The following CNTNAP2 variants were observed in gnomAD, a reference collection of about 807,000 sequenced individuals.
The protein encoded by CNTNAP2 is contactin associated protein 2, also known as contactin-associated protein-like 2.
A neutral mutation model predicts 155.2 loss-of-function variants in CNTNAP2; 98 were observed. The observed-to-expected ratio is 0.63, with a 90% CI of 0.54 to 0.75. The LOEUF is 0.75. Among genes scored for constraint, CNTNAP2 ranks in the 30% least tolerant of loss-of-function variants. The pLI is 0.00. For synonymous variants in CNTNAP2, 651 were observed against 631.2 expected (o/e 1.03, Z -0.47); for missense variants, 1,727 against 1,688.1 (o/e 1.02, Z -0.40).
chr7:147,418,770 T>C (rs576712490), intron 10 of CNTNAP2, among the ~76,000 whole-genome samples: 4 of 152,352 alleles, frequency 2.6e-5, no homozygotes, highest in African/African-American at 4.8e-5. Flanking sequence ...AGTCACTTTC[T>C]CTATAAAAGA....
chr7:146,617,783 A>G (rs1359376902), intron 1 of CNTNAP2, among the ~76,000 whole-genome samples: 1 of 152,212 alleles, frequency 6.6e-6, no homozygotes, highest in African/African-American at 2.4e-5. Context: ...AATATCTCAT[A>G]AAAGTCAAGT....
At chr7:147,441,373 G>A (rs1471945902) in intron 10 of CNTNAP2, among the ~76,000 whole-genome samples, 1 of 151,946 alleles carries the variant, frequency 6.6e-6, no homozygotes, top group East Asian at 1.9e-4. Flanking sequence ...GTGTTATCTT[G>A]AATTTCTTTG....
intron 1 of CNTNAP2, among the ~76,000 whole-genome samples, chr7:146,225,618 C>T (rs1351863409): frequency 6.6e-6 from 1 of 152,172 alleles, no homozygotes; most frequent in Non-Finnish European, 1.5e-5. Context: ...TAGGCATTAG[C>T]AGTGCACAGA....
intron 1 of CNTNAP2, among the ~76,000 whole-genome samples, chr7:146,592,850 G>T: frequency 6.6e-6 from 1 of 152,088 alleles, no homozygotes; most frequent in East Asian, 1.9e-4. Context: ...CAGTCCAGTG[G>T]TGGCAGGCTG....
rs544673872 is a variant in CNTNAP2 at position 147,300,400 on chromosome 7, C to A, written c.1498+110C>A. ...TTGACTCAACTGACTCAGTAGATCT[C>A]ATGACAAAACAAACTGTAATTCCAC... On this transcript the variant is annotated intron_variant, in intron 9 of 23. Coordinates refer to ENST00000361727, the MANE Select transcript of CNTNAP2 (RefSeq NM_014141.6). 5.7e-6 allele frequency: 6 copies of A among 1,055,872 alleles called. No individual in the cohort carries two copies. The African/African-American group carries it at 2.1e-4, about 37-fold the overall frequency. 65.4% of individuals were successfully genotyped at this position (1,055,872 alleles called of 1,614,324 possible). A position where few individuals can be genotyped will look rare whatever the true frequency, so the allele number is the denominator to read the frequency against.
At chr7:146,384,605 T>A (rs1162432869) in intron 1 of CNTNAP2, among the ~76,000 whole-genome samples, 2 of 152,200 alleles carry the variant, frequency 1.3e-5, no homozygotes, top group Non-Finnish European at 2.9e-5. Flanking sequence ...TCTTTTTGAA[T>A]CAAGTATCAT....
chr7:146,823,587 TA>T (rs1347262358), intron 2 of CNTNAP2, among the ~76,000 whole-genome samples: 1 of 149,032 alleles, frequency 6.7e-6, no homozygotes, highest in Non-Finnish European at 1.5e-5. Flanking sequence ...CATTCTTCAG[TA>T]TATTTACATG....
intron 16 of CNTNAP2, among the ~76,000 whole-genome samples, chr7:148,142,165 G>A (rs998597854): frequency 6.7e-6 from 1 of 150,314 alleles, no homozygotes; most frequent in African/African-American, 2.5e-5. Flanking sequence ...AGAGGGAGGG[G>A]AGAATTGTCA....
chr7:146,720,192 C>CTCTGGTTTGGTGCAATT (rs1257689125), intron 1 of CNTNAP2, among the ~76,000 whole-genome samples: 18 of 152,124 alleles, frequency 1.2e-4, no homozygotes, highest in African/African-American at 4.1e-4. Flanking sequence ...AGGACTATGC[C>CTCTGGTTTGGTGCAATT]TCTGGTTTGG....
At chr7:146,293,257 G>A (rs1800461061) in intron 1 of CNTNAP2, among the ~76,000 whole-genome samples, 1 of 152,090 alleles carries the variant, frequency 6.6e-6, no homozygotes, top group Non-Finnish European at 1.5e-5. Flanking sequence ...GGAATTCCCA[G>A]GAGAAAATTT....
rs1300483418 is a variant in CNTNAP2 at position 148,379,000 on chromosome 7, T to C, written c.3476-4649T>C. On this transcript the variant is annotated intron_variant, in intron 21 of 23. Coordinates refer to ENST00000361727, the MANE Select transcript of CNTNAP2 (RefSeq NM_014141.6). The stretch of plus-strand genomic sequence containing the variant: ...ATGGTAGGCAGTGCTTTGGGGCCAG[T>C]TGTACTACAGTCTCTGCAGAGCAAC... Among the ~76,000 whole-genome samples the C allele has an allele frequency of 4.8e-4, 32 of 67,126 alleles. 11 individuals carry two copies. The highest frequency in any genetic ancestry group is 1.1e-3 in the Admixed American group (5 of 4,724). 44.0% of individuals were successfully genotyped at this position (67,126 alleles called of 152,430 possible). A position where few individuals can be genotyped will look rare whatever the true frequency, so the allele number is the denominator to read the frequency against.
chr7:147,745,798 A>T (rs1324517790), intron 13 of CNTNAP2, among the ~76,000 whole-genome samples: 1 of 152,256 alleles, frequency 6.6e-6, no homozygotes, highest in Non-Finnish European at 1.5e-5. Context: ...GAATCAATTC[A>T]GGAGTCTTCA....
intron 10 of CNTNAP2, among the ~76,000 whole-genome samples, chr7:147,408,602 T>C (rs986179979): frequency 1.1e-4 from 17 of 151,792 alleles, no homozygotes; most frequent in Non-Finnish European, 2.5e-4. Flanking sequence ...CTAAAAAATA[T>C]AAAAAATTAG....
intron 21 of CNTNAP2, 117 bp downstream of exon 21, chr7:148,267,243 T>C: frequency 1.1e-6 from 1 of 879,868 alleles, no homozygotes; most frequent in South Asian, 1.4e-5. Context: ...ACGAATATCT[T>C]CTCTGTACAG....
chr7:147,148,573 C>A (rs1317045471), intron 8 of CNTNAP2, among the ~76,000 whole-genome samples: 2 of 152,064 alleles, frequency 1.3e-5, no homozygotes, highest in African/African-American at 2.4e-5. Context: ...AGCTGCGGAC[C>A]CTCACAGTGA....
intron 12 of CNTNAP2, among the ~76,000 whole-genome samples, chr7:147,634,049 T>G (rs1795135726): frequency 6.6e-6 from 1 of 152,106 alleles, no homozygotes; most frequent in Non-Finnish European, 1.5e-5. Context: ...AGTATGGAGA[T>G]TCCCTAAAGA....
chr7:146,164,169 G>A (rs192352377), intron 1 of CNTNAP2, among the ~76,000 whole-genome samples: 1 of 152,236 alleles, frequency 6.6e-6, no homozygotes, highest in African/African-American at 2.4e-5. Flanking sequence ...TGTATACCTT[G>A]AATAACTTTC....
intron 13 of CNTNAP2, among the ~76,000 whole-genome samples, chr7:147,762,468 G>A (rs184302940): frequency 2.6e-5 from 4 of 152,048 alleles, no homozygotes; most frequent in East Asian, 1.9e-4. Context: ...GAGCTGCTGC[G>A]GAGGCAATTA....
chr7:147,902,533 T>TTGTCATCTTTTATCCCTCACC (rs1016336234), intron 13 of CNTNAP2, among the ~76,000 whole-genome samples: 2 of 152,056 alleles, frequency 1.3e-5, no homozygotes, highest in African/African-American at 4.8e-5. Context: ...TGAATCCAAT[T>TTGTCATCTTTTATCCCTCACC]TGTCATCTTT....
Sources: allele counts gnomAD v4.1 joint callset (sites outside exome capture counted in the v4.1 genomes callset), GRCh38; gene constraint gnomAD v4.1.1; transcripts MANE v1.5; gene names NCBI Gene and HGNC (gene_info 2026-07-23, HGNC 2026-07-21).